SH3RF3: variants seen among roughly 807,000 people sequenced by gnomAD.
SH3RF3 encodes SH3 domain containing ring finger 3, also known as E3 ubiquitin-protein ligase SH3RF3.
Under a neutral mutation model 66.3 loss-of-function variants are expected in SH3RF3, and 29 were observed. The ratio of observed to expected loss-of-function variants is 0.44; its 90% CI spans 0.33 to 0.60. SH3RF3 has a LOEUF of 0.60. Ranked by LOEUF, SH3RF3 falls within the 20% of genes least tolerant of loss-of-function variation. The probability of loss-of-function intolerance (pLI) is 0.04; values close to 1 mark genes in which losing one functional copy is unlikely to be tolerated. For synonymous variants in SH3RF3, 583 were observed against 532.0 expected, an observed-to-expected ratio of 1.10 and a Z score of -1.32; for missense variants, 1,194 against 1,190.9, an observed-to-expected ratio of 1.00 and a Z score of -0.04.
At chr2:109,229,441 T>A (rs1287706751) in intron 1 of SH3RF3, among the ~76,000 whole-genome samples, 1 of 152,238 alleles carries the variant, frequency 6.6e-6, no homozygotes, top group Non-Finnish European at 1.5e-5. Flanking sequence ...AGCTGTCATG[T>A]CTCCATGGAC....
At chr2:109,475,174 T>G (rs889595314) in intron 8 of SH3RF3, among the ~76,000 whole-genome samples, 1 of 152,144 alleles carries the variant, frequency 6.6e-6, no homozygotes, top group Admixed American at 6.5e-5. Flanking sequence ...AGACTTGGTT[T>G]CACCATGTTG....
chr2:109,190,670 T>C (rs953209593), intron 1 of SH3RF3, among the ~76,000 whole-genome samples: 2 of 152,326 alleles, frequency 1.3e-5, no homozygotes, highest in Admixed American at 1.3e-4. Context: ...CTACAGTCTA[T>C]GTGCATTTAA....
intron 1 of SH3RF3, among the ~76,000 whole-genome samples, chr2:109,149,554 A>G (rs1677185120): frequency 6.6e-6 from 1 of 152,134 alleles, no homozygotes; most frequent in South Asian, 2.1e-4. Context: ...TGACAGAGCA[A>G]GTGTGTTAAG....
intron 1 of SH3RF3, among the ~76,000 whole-genome samples, chr2:109,137,022 G>A (rs554226343): frequency 6.6e-6 from 1 of 152,298 alleles, no homozygotes; most frequent in South Asian, 2.1e-4. Flanking sequence ...ACACTACAGT[G>A]GACACTGGGG....
At chr2:109,467,995 A>G (rs1235800849) in intron 8 of SH3RF3, among the ~76,000 whole-genome samples, 1 of 152,270 alleles carries the variant, frequency 6.6e-6, no homozygotes, top group Non-Finnish European at 1.5e-5. Context: ...GGACCTCCTC[A>G]GAGCGGAAAA....
intron 5 of SH3RF3, among the ~76,000 whole-genome samples, chr2:109,430,750 C>T (rs1426091887): frequency 2.6e-5 from 4 of 152,186 alleles, no homozygotes; most frequent in African/African-American, 4.8e-5. Context: ...AAACTGTGAA[C>T]GTGGTGGGGT....
At chr2:109,447,164 A>AAAAAG (rs1217806254) in intron 7 of SH3RF3, among the ~76,000 whole-genome samples, 5 of 149,880 alleles carry the variant, frequency 3.3e-5, no homozygotes, top group South Asian at 2.1e-4. Context: ...AAAAAAAAAA[A>AAAAAG]AAAAGAAAAG....
chr2:109,235,819 G>A (rs1259136348), intron 1 of SH3RF3, among the ~76,000 whole-genome samples: 1 of 152,214 alleles, frequency 6.6e-6, no homozygotes, highest in Non-Finnish European at 1.5e-5. Context: ...CTCGGCACCA[G>A]GGTGGGCCTC....
intron 1 of SH3RF3, among the ~76,000 whole-genome samples, chr2:109,343,943 C>T (rs181295786): frequency 6.6e-6 from 1 of 152,066 alleles, no homozygotes; most frequent in Non-Finnish European, 1.5e-5. Context: ...AGGGTCTCAG[C>T]GTGTTGCCCA....
At chr2:109,362,210 T>A (rs1006752974) in intron 2 of SH3RF3, among the ~76,000 whole-genome samples, 5 of 152,220 alleles carry the variant, frequency 3.3e-5, no homozygotes, top group Admixed American at 2.0e-4. Flanking sequence ...TGCTATAAAT[T>A]TCCCTGTAGG....
At chr2:109,341,053 G>A (rs970276269) in intron 1 of SH3RF3, among the ~76,000 whole-genome samples, 1 of 152,268 alleles carries the variant, frequency 6.6e-6, no homozygotes, top group Non-Finnish European at 1.5e-5. Flanking sequence ...GTGTTTGAAG[G>A]GCAAGTCGTG....
intron 1 of SH3RF3, among the ~76,000 whole-genome samples, chr2:109,306,815 T>A (rs1260259272): frequency 6.6e-6 from 1 of 152,216 alleles, no homozygotes; most frequent in Non-Finnish European, 1.5e-5. Context: ...GATTACGTAT[T>A]TCCTAGGTTG....
chr2:109,466,990 AAGAG>A (rs200939774), intron 8 of SH3RF3, among the ~76,000 whole-genome samples: 2,543 of 152,304 alleles, frequency 0.017, 36 homozygotes, highest in Middle Eastern at 0.051. Flanking sequence ...TACTCTGTGA[AAGAG>A]AGAAAGAGGC....
intron 4 of SH3RF3, among the ~76,000 whole-genome samples, chr2:109,411,795 A>G (rs560137974): frequency 1.3e-5 from 2 of 152,338 alleles, no homozygotes; most frequent in East Asian, 3.9e-4. Flanking sequence ...GGGAAAAAGC[A>G]TTTCCACACA....
chr2:109,470,143 C>T (rs1206907381), intron 8 of SH3RF3, among the ~76,000 whole-genome samples: 1 of 152,196 alleles, frequency 6.6e-6, no homozygotes, highest in African/African-American at 2.4e-5. Context: ...TTCCTTGTCC[C>T]TTCTGGGGTG....
intron 1 of SH3RF3, among the ~76,000 whole-genome samples, chr2:109,302,022 A>T (rs1681480940): frequency 1.3e-5 from 2 of 152,190 alleles, no homozygotes; most frequent in South Asian, 4.1e-4. Flanking sequence ...CTTCTCAGGA[A>T]GCCATAGAGG....
intron 1 of SH3RF3, among the ~76,000 whole-genome samples, chr2:109,174,034 C>G (rs761654360): frequency 1.3e-5 from 2 of 152,236 alleles, no homozygotes; most frequent in African/African-American, 2.4e-5. Flanking sequence ...AGAGAACACA[C>G]AGCAGTGCGG....
chr2:109,365,561 G>A (rs999350010), intron 2 of SH3RF3, among the ~76,000 whole-genome samples: 2 of 152,034 alleles, frequency 1.3e-5, no homozygotes, highest in Admixed American at 6.6e-5. Flanking sequence ...AGCTTCTTAC[G>A]TTCTAGACTG....
At chr2:109,476,727 A>G (rs970147475) in intron 8 of SH3RF3, among the ~76,000 whole-genome samples, 2 of 152,194 alleles carry the variant, frequency 1.3e-5, no homozygotes, top group Non-Finnish European at 2.9e-5. Context: ...TAGGAAAGTA[A>G]AGGAATACAA....
Sources: gnomAD v4.1 joint callset for allele counts (sites outside exome capture counted in the v4.1 genomes callset) on GRCh38, gnomAD v4.1.1 for gene constraint, MANE v1.5 for transcripts, NCBI Gene and HGNC (gene_info 2026-07-23, HGNC 2026-07-21) for gene names.